The following UTS2 variants were observed in gnomAD, a reference collection of about 807,000 sequenced individuals.
The protein encoded by UTS2 is urotensin-2.
Under a neutral mutation model 12.6 loss-of-function variants are expected in UTS2, and 10 were observed. The ratio of observed to expected loss-of-function variants is 0.80; its 90% CI spans 0.49 to 1.35. The LOEUF is 1.35. UTS2 is among the 40% of genes most tolerant of loss of function. The pLI, the probability that UTS2 is intolerant of heterozygous loss-of-function variation, is 0.00. For synonymous variants in UTS2, 52 were observed against 50.0 expected (o/e 1.04, Z -0.17); for missense variants, 142 against 143.2 (o/e 0.99, Z 0.04).
At chr1:7,891,359 C>G in the UTS2 span, among the ~76,000 whole-genome samples, 1 of 151,872 alleles carries the variant, frequency 6.6e-6, no homozygotes, top group Non-Finnish European at 1.5e-5. Flanking sequence ...AACCCGGTCT[C>G]TACTAAAAAT....
the UTS2 span, among the ~76,000 whole-genome samples, chr1:7,864,003 G>A: frequency 1.3e-5 from 2 of 152,238 alleles, no homozygotes; most frequent in South Asian, 4.1e-4. Context: ...GCATCTCAGG[G>A]CAGCAGGAGG....
chr1:7,890,976 C>CCCCCG, the UTS2 span, among the ~76,000 whole-genome samples: 1 of 148,740 alleles, frequency 6.7e-6, no homozygotes, highest in South Asian at 2.1e-4. Context: ...CACCCCCCCC[C>CCCCCG]ACAAAACTGG....
At chr1:7,859,575 G>T in the UTS2 span, among the ~76,000 whole-genome samples, 2 of 152,360 alleles carry the variant, frequency 1.3e-5, no homozygotes, top group East Asian at 3.9e-4. Flanking sequence ...AGGCCCTGGG[G>T]TCAGATGAGG....
the UTS2 span, among the ~76,000 whole-genome samples, chr1:7,860,443 G>T: frequency 6.6e-6 from 1 of 152,110 alleles, no homozygotes; most frequent in Non-Finnish European, 1.5e-5. Flanking sequence ...GGGAGTTGAG[G>T]CCAGAAAGAT....
chr1:7,887,330 G>A, the UTS2 span, among the ~76,000 whole-genome samples: 12 of 152,030 alleles, frequency 7.9e-5, no homozygotes, highest in African/African-American at 2.7e-4. Flanking sequence ...CAGGGTGTGA[G>A]CAGCCAGAGG....
chr1:7,906,449 G>GAAAGAAAGAAAGAAAGAA, the UTS2 span, among the ~76,000 whole-genome samples: 2 of 73,226 alleles, frequency 2.7e-5, no homozygotes, highest in Admixed American at 1.7e-4. Flanking sequence ...GAAAGAAAAA[G>GAAAGAAAGAAAGAAAGAA]AGAAAGAAAG....
upstream of UTS2, among the ~76,000 whole-genome samples, chr1:7,856,618 G>A (rs1050745702): frequency 2.7e-5 from 1 of 36,746 alleles, no homozygotes; most frequent in African/African-American, 1.2e-4. Flanking sequence ...CCCAGGGCGA[G>A]TGCTCGCACA....
chr1:7,891,353 C>T, the UTS2 span, among the ~76,000 whole-genome samples: 67 of 152,032 alleles, frequency 4.4e-4, no homozygotes, highest in African/African-American at 1.5e-3. Context: ...TGGTGAAACC[C>T]GGTCTCTACT....
chr1:7,907,829 G>A, the UTS2 span, among the ~76,000 whole-genome samples: 2 of 151,980 alleles, frequency 1.3e-5, no homozygotes, highest in Non-Finnish European at 2.9e-5. Context: ...CTAAGTTTTC[G>A]AAGCCTCAAC....
chr1:7,854,194 A>C (rs548324509), upstream of UTS2, among the ~76,000 whole-genome samples: 1 of 152,112 alleles, frequency 6.6e-6, no homozygotes, highest in East Asian at 1.9e-4. Context: ...AAATACAAAA[A>C]TTAGCCAGGC....
chr1:7,857,743 G>T (rs1366408345), upstream of UTS2, among the ~76,000 whole-genome samples: 1 of 151,426 alleles, frequency 6.6e-6, no homozygotes, highest in East Asian at 1.9e-4. Context: ...TGGGCCACTT[G>T]GGAGGCTGAG....
chr1:7,887,716 C>A, the UTS2 span, among the ~76,000 whole-genome samples: 1 of 150,114 alleles, frequency 6.7e-6, no homozygotes, highest in Non-Finnish European at 1.5e-5. Context: ...TTGCGGTGAC[C>A]CACCACTCCA....
At chr1:7,849,849 C>G (rs1188316802) in intron 2 of UTS2, among the ~76,000 whole-genome samples, 166 bp from the exon 3 acceptor site, 1 of 152,168 alleles carries the variant, frequency 6.6e-6, no homozygotes, top group Admixed American at 6.6e-5. Flanking sequence ...CTGTTCTTAT[C>G]TCGAATTCAC....
the UTS2 span, among the ~76,000 whole-genome samples, chr1:7,887,324 G>A: frequency 0.054 from 8,249 of 152,118 alleles, 978 homozygotes; most frequent in East Asian, 0.45. Context: ...CCACAGCAGG[G>A]TGTGAGCAGC....
upstream of UTS2, chr1:7,853,234 G>A: frequency 6.3e-7 from 1 of 1,590,524 alleles, no homozygotes; most frequent in Non-Finnish European, 8.6e-7. Context: ...TAACTGTCTT[G>A]TTGCCTAGTG....
the UTS2 span, among the ~76,000 whole-genome samples, chr1:7,866,464 C>T: frequency 3.9e-5 from 6 of 152,172 alleles, no homozygotes; most frequent in African/African-American, 1.4e-4. The surrounding 1 kb of genome is among the most constrained non-coding windows in gnomAD (Gnocchi z 4.5). Context: ...TGCAAGGCTC[C>T]AGCCCTCTCA....
At chr1:7,903,025 C>G in the UTS2 span, among the ~76,000 whole-genome samples, 1 of 133,688 alleles carries the variant, frequency 7.5e-6, no homozygotes, top group Non-Finnish European at 1.6e-5. Context: ...CCCTCCTTCC[C>G]CTCCTCCCCT....
At chr1:7,879,129 T>C in the UTS2 span, among the ~76,000 whole-genome samples, 2 of 152,106 alleles carry the variant, frequency 1.3e-5, no homozygotes, top group Non-Finnish European at 2.9e-5. Context: ...CAAAGAAACA[T>C]TGGATTTAAA....
At chr1:7,887,592 CAAAAAAAAAAA>C in the UTS2 span, among the ~76,000 whole-genome samples, 117 of 62,440 alleles carry the variant, frequency 1.9e-3, no homozygotes, top group Admixed American at 3.4e-3. Flanking sequence ...CCAGTCTCTA[CAAAAAAAAAAA>C]AAAAAAAAAA....
Sources: allele counts gnomAD v4.1 joint callset (sites outside exome capture counted in the v4.1 genomes callset), GRCh38; gene constraint gnomAD v4.1.1; non-coding constraint Gnocchi (gnomAD v3.1); transcripts MANE v1.5; gene names NCBI Gene and HGNC (gene_info 2026-07-23, HGNC 2026-07-21).